The following GPM6A variants were observed in gnomAD, a reference collection of about 807,000 sequenced individuals.
GPM6A encodes neuronal membrane glycoprotein M6-a.
GPM6A carries 7 observed loss-of-function variants against 32.1 expected under a neutral mutation model. The observed-to-expected ratio is 0.22, with a 90% CI of 0.12 to 0.41. The LOEUF is 0.41. Among genes scored for constraint, GPM6A ranks in the 10% least tolerant of loss-of-function variants. The pLI is 1.00. For missense variants in GPM6A, 235 were observed against 347.2 expected (o/e 0.68, Z 2.57); for synonymous variants, 130 against 123.4 (o/e 1.05, Z -0.35).
At chr4:175,952,563 C>T (rs955097591) in intron 1 of GPM6A, among the ~76,000 whole-genome samples, 2 of 152,160 alleles carry the variant, frequency 1.3e-5, no homozygotes, top group Non-Finnish European at 2.9e-5. Flanking sequence ...ATTTAAGCAA[C>T]ATGTAACTAG....
chr4:175,636,285 T>TATATATATATATATATATAC (rs1560840528), intron 6 of GPM6A, among the ~76,000 whole-genome samples: 3 of 138,418 alleles, frequency 2.2e-5, no homozygotes, highest in African/African-American at 7.9e-5. Context: ...TATATATATA[T>TATATATATATATATATATAC]ATATATATAT....
chr4:175,881,508 G>A (rs1039632650), intron 1 of GPM6A, among the ~76,000 whole-genome samples: 16 of 152,120 alleles, frequency 1.1e-4, no homozygotes, highest in Non-Finnish European at 2.1e-4. Context: ...ATACCCAAAG[G>A]AATATAAATC....
At chr4:175,781,418 C>T (rs554767230) in intron 1 of GPM6A, 7 of 152,226 alleles carry the variant, frequency 4.6e-5, no homozygotes, top group Non-Finnish European at 1.5e-5. Flanking sequence ...TAATGACATC[C>T]CTACTTCTGG....
intron 4 of GPM6A, among the ~76,000 whole-genome samples, chr4:175,648,820 G>T (rs1741620352): frequency 6.6e-6 from 1 of 152,024 alleles, no homozygotes; most frequent in South Asian, 2.1e-4. Flanking sequence ...CTTCCACTTT[G>T]AAGGATCCTT....
At chr4:175,661,874 T>C (rs982491009) in intron 3 of GPM6A, among the ~76,000 whole-genome samples, 1 of 152,054 alleles carries the variant, frequency 6.6e-6, no homozygotes, top group African/African-American at 2.4e-5. Flanking sequence ...ACCACATATA[T>C]CATATACGTG....
intron 2 of GPM6A, among the ~76,000 whole-genome samples, chr4:175,675,513 G>C (rs887513962): frequency 6.6e-6 from 1 of 152,116 alleles, no homozygotes; most frequent in Non-Finnish European, 1.5e-5. Flanking sequence ...ATATTTCCTT[G>C]AGACTGCTGG....
At chr4:175,722,981 G>A (rs1008913749) in intron 1 of GPM6A, among the ~76,000 whole-genome samples, 14 of 152,012 alleles carry the variant, frequency 9.2e-5, no homozygotes, top group African/African-American at 3.4e-4. Context: ...CCTGGGAGGT[G>A]GAGGCTGCAG....
chr4:175,929,715 C>A (rs537191164), intron 1 of GPM6A, among the ~76,000 whole-genome samples: 2 of 152,190 alleles, frequency 1.3e-5, no homozygotes, highest in South Asian at 4.1e-4. Context: ...ATTAGTTAAT[C>A]CAATAGGTGT....
At chr4:175,750,678 T>C (rs1210658703) in intron 1 of GPM6A, among the ~76,000 whole-genome samples, 1 of 152,162 alleles carries the variant, frequency 6.6e-6, no homozygotes, top group Non-Finnish European at 1.5e-5. Context: ...GTTCAAGAGA[T>C]TCTCCAGCCT....
intron 1 of GPM6A, among the ~76,000 whole-genome samples, chr4:175,827,198 T>G (rs1463775): frequency 0.97 from 147,654 of 152,300 alleles, 71,748 homozygotes; most frequent in East Asian, 1. Flanking sequence ...TGTAATTATA[T>G]CCATTTTAAA....
At chr4:175,698,634 C>A (rs1459324821) in intron 2 of GPM6A, among the ~76,000 whole-genome samples, 2 of 152,122 alleles carry the variant, frequency 1.3e-5, no homozygotes, top group Non-Finnish European at 2.9e-5. Flanking sequence ...TTTTCATGAA[C>A]TATTTGTTGG....
intron 1 of GPM6A, among the ~76,000 whole-genome samples, chr4:175,904,206 A>G (rs757203560): frequency 1.3e-5 from 2 of 152,182 alleles, no homozygotes; most frequent in Non-Finnish European, 2.9e-5. Context: ...GACACTATTT[A>G]CAACCCATAT....
At chr4:175,734,135 CATATATATAT>C (rs33914767) in intron 1 of GPM6A, among the ~76,000 whole-genome samples, 2 of 127,164 alleles carry the variant, frequency 1.6e-5, no homozygotes, top group African/African-American at 2.6e-5. Context: ...TAATTTTTGC[CATATATATAT>C]ATATATATAT....
intron 1 of GPM6A, among the ~76,000 whole-genome samples, chr4:175,744,828 G>T (rs970722409): frequency 6.6e-6 from 1 of 152,066 alleles, no homozygotes; most frequent in Non-Finnish European, 1.5e-5. Context: ...TCCCACTTCT[G>T]GGTCCAATGT....
intron 1 of GPM6A, among the ~76,000 whole-genome samples, chr4:175,748,650 G>C (rs952981581): frequency 3.9e-5 from 6 of 152,022 alleles, no homozygotes; most frequent in African/African-American, 1.4e-4. Flanking sequence ...ATTCTTCAGG[G>C]CCCCGAGATT....
intron 1 of GPM6A, among the ~76,000 whole-genome samples, chr4:175,838,140 C>CACACACAT (rs1735831286): frequency 6.7e-6 from 1 of 148,982 alleles, no homozygotes. Flanking sequence ...CACACACACA[C>CACACACAT]GCACCCCTGT....
chr4:175,637,287 A>ATTATATATAATAT (rs1491233820), intron 6 of GPM6A, among the ~76,000 whole-genome samples: 2 of 67,346 alleles, frequency 3.0e-5, no homozygotes, highest in South Asian at 8.5e-4. Context: ...TATATTATAT[A>ATTATATATAATAT]AAATATATAT....
intron 1 of GPM6A, among the ~76,000 whole-genome samples, chr4:175,866,456 A>T (rs1010374228): frequency 2.6e-5 from 4 of 152,120 alleles, no homozygotes; most frequent in Non-Finnish European, 5.9e-5. Flanking sequence ...CTGACAACAA[A>T]GATATTTTTA....
chr4:175,896,904 G>C (rs1166024277), intron 1 of GPM6A, among the ~76,000 whole-genome samples: 1 of 151,924 alleles, frequency 6.6e-6, no homozygotes. Flanking sequence ...CTTTGAGGTG[G>C]CATCTTTCAT....
Sources: allele counts gnomAD v4.1 joint callset (sites outside exome capture counted in the v4.1 genomes callset), GRCh38; gene constraint gnomAD v4.1.1; transcripts MANE v1.5; gene names NCBI Gene and HGNC (gene_info 2026-07-23, HGNC 2026-07-21).